Variants in GTF2F2 observed in about 807,000 individuals in gnomAD.
GTF2F2 encodes general transcription factor IIF subunit 2, also known as ATP-dependent helicase GTF2F2.
GTF2F2 carries 23 observed loss-of-function variants against 42.2 expected under a neutral mutation model. The observed-to-expected ratio is 0.55, with a 90% confidence interval of 0.39 to 0.77. The LOEUF is 0.77. GTF2F2 is among the 30% of genes least tolerant of loss of function. The pLI is 0.00. For synonymous variants in GTF2F2, 105 were observed against 100.8 expected, an observed-to-expected ratio of 1.04 and a Z score of -0.25; for missense variants, 261 against 287.2, an observed-to-expected ratio of 0.91 and a Z score of 0.66.
chr13:45,191,973 A>G (rs1220575145), intron 4 of GTF2F2, among the ~76,000 whole-genome samples: 1 of 152,122 alleles, frequency 6.6e-6, no homozygotes, highest in African/African-American at 2.4e-5. Flanking sequence ...TATTTTTATT[A>G]TCCGTAATGA....
intron 1 of GTF2F2, among the ~76,000 whole-genome samples, chr13:45,133,424 A>G (rs1166076872): frequency 1.3e-5 from 2 of 152,208 alleles, no homozygotes; most frequent in African/African-American, 2.4e-5. Context: ...TATCTATCTA[A>G]GAAGCCAGGA....
intron 5 of GTF2F2, among the ~76,000 whole-genome samples, chr13:45,209,125 G>A (rs1299652961): frequency 6.6e-6 from 1 of 152,192 alleles, no homozygotes; most frequent in Non-Finnish European, 1.5e-5. Context: ...AAAAAGAAGT[G>A]AAAATTGTTT....
At chr13:45,212,459 C>CTTTTCTTTTCTTTCTT (rs55758635) in intron 5 of GTF2F2, among the ~76,000 whole-genome samples, 1 of 79,290 alleles carries the variant, frequency 1.3e-5, no homozygotes, top group African/African-American at 4.6e-5. Flanking sequence ...TTCTTTCTTT[C>CTTTTCTTTTCTTTCTT]TTTCTTTCTT....
intron 1 of GTF2F2, among the ~76,000 whole-genome samples, chr13:45,134,093 T>C (rs1869496982): frequency 6.6e-6 from 1 of 152,226 alleles, no homozygotes; most frequent in Non-Finnish European, 1.5e-5. Context: ...GTTGTGGACA[T>C]TTGCTTCTTT....
rs142321690 is a variant in GTF2F2, at chr13:45,282,985, T to C, written c.631-457T>C. 4.2e-3 allele frequency among the ~76,000 whole-genome samples: 637 copies of C among 152,272 alleles called. 2 individuals carry two copies. Among genetic ancestry groups the C allele is most frequent in the African/African-American group, 0.015 (612 of 41,548 alleles). On this transcript the variant is annotated intron_variant, in intron 7 of 7. Transcript: ENST00000340473. Reference sequence around the variant, plus strand: ...GAATACCTGTCATATGCCTGCTTGATAGAATATTCTCAAAAATGTTGCTCA... The same window carrying C: ...GAATACCTGTCATATGCCTGCTTGACAGAATATTCTCAAAAATGTTGCTCA...
At chr13:45,257,238 A>C (rs1433383776) in intron 6 of GTF2F2, among the ~76,000 whole-genome samples, 2 of 152,192 alleles carry the variant, frequency 1.3e-5, no homozygotes, top group African/African-American at 4.8e-5. Flanking sequence ...GATTATTTTT[A>C]TCTCTTAGAA....
At chr13:45,123,815 GAGC>G in intron 1 of GTF2F2, among the ~76,000 whole-genome samples, 1 of 137,956 alleles carries the variant, frequency 7.2e-6, no homozygotes, top group African/African-American at 2.8e-5. Context: ...TTTTTTGGCT[GAGC>G]ACAGGGGACT....
intron 7 of GTF2F2, 35 bp from the exon 8 acceptor site, chr13:45,283,407 A>T (rs1273019071): frequency 1.3e-6 from 2 of 1,579,016 alleles, no homozygotes; most frequent in African/African-American, 2.7e-5. Flanking sequence ...CTGCATTTAT[A>T]ATCTCATTTG....
intron 7 of GTF2F2, among the ~76,000 whole-genome samples, chr13:45,268,944 C>T (rs559296011): frequency 1.1e-4 from 16 of 152,250 alleles, no homozygotes; most frequent in African/African-American, 3.9e-4. Context: ...CAGTGAATCT[C>T]TTACAACAGA....
intron 2 of GTF2F2, among the ~76,000 whole-genome samples, chr13:45,143,338 A>T (rs1328251489): frequency 6.6e-6 from 1 of 152,230 alleles, no homozygotes; most frequent in Non-Finnish European, 1.5e-5. Flanking sequence ...GCAGTGTGGC[A>T]TACTGGTTAT....
chr13:45,171,599 G>T (rs1413438053), intron 4 of GTF2F2, among the ~76,000 whole-genome samples: 1 of 152,086 alleles, frequency 6.6e-6, no homozygotes, highest in African/African-American at 2.4e-5. Context: ...ACATTATATT[G>T]CCTTTTAAAA....
intron 4 of GTF2F2, among the ~76,000 whole-genome samples, chr13:45,167,193 A>G (rs968765350): frequency 1.1e-4 from 16 of 151,660 alleles, no homozygotes; most frequent in African/African-American, 3.9e-4. Context: ...ATAAAGGGTA[A>G]AAAGCCCTAC....
At chr13:45,218,742 T>C (rs1873987501) in intron 5 of GTF2F2, among the ~76,000 whole-genome samples, 1 of 152,220 alleles carries the variant, frequency 6.6e-6, no homozygotes, top group Non-Finnish European at 1.5e-5. Context: ...ATTGAATTGA[T>C]GGGGTGCCGA....
At chr13:45,134,750 T>C (rs1869529299) in intron 1 of GTF2F2, among the ~76,000 whole-genome samples, 1 of 152,142 alleles carries the variant, frequency 6.6e-6, no homozygotes, top group Admixed American at 6.5e-5. Context: ...AGAGGTAGTA[T>C]GGTCTAGTGA....
intron 4 of GTF2F2, among the ~76,000 whole-genome samples, chr13:45,170,759 G>A (rs1257005181): frequency 6.6e-6 from 1 of 152,210 alleles, no homozygotes; most frequent in Non-Finnish European, 1.5e-5. Context: ...CATGAGATCA[G>A]AAGAATGGTC....
intron 4 of GTF2F2, among the ~76,000 whole-genome samples, chr13:45,191,939 T>C (rs1872675817): frequency 1.3e-5 from 2 of 152,140 alleles, no homozygotes; most frequent in South Asian, 4.1e-4. Context: ...CAGCTATATC[T>C]CCTGTAAAAA....
Position 45,221,415 on chromosome 13 carries a change from G to C in GTF2F2, c.386+13910G>C, listed in dbSNP as rs144781930. ...GCAAAATGAAAATATGGGGCCTTTT[G>C]TTCATACATTATTAAAAATTTCAAA... On this transcript the variant is annotated intron_variant, in intron 5 of 7. Transcript: ENST00000340473. Among the ~76,000 whole-genome samples the C allele has an allele frequency of 6.6e-3, 1,010 of 152,164 alleles. 2 individuals carry two copies. Among genetic ancestry groups the C allele is most frequent in the Non-Finnish European group, 0.01 (700 of 67,994 alleles).
chr13:45,257,264 G>A (rs1434028699), intron 6 of GTF2F2, among the ~76,000 whole-genome samples: 3 of 151,970 alleles, frequency 2.0e-5, no homozygotes, highest in Non-Finnish European at 2.9e-5. Flanking sequence ...CATTGAAATC[G>A]CACCCCTGAA....
At chr13:45,190,901 C>T (rs1872589064) in intron 4 of GTF2F2, among the ~76,000 whole-genome samples, 1 of 149,484 alleles carries the variant, frequency 6.7e-6, no homozygotes, top group Non-Finnish European at 1.5e-5. Context: ...CAAGTGTATG[C>T]CACCACGTGT....
Sources: gnomAD v4.1 joint callset for allele counts (sites outside exome capture counted in the v4.1 genomes callset) on GRCh38, gnomAD v4.1.1 for gene constraint, MANE v1.5 for transcripts, NCBI Gene and HGNC (gene_info 2026-07-23, HGNC 2026-07-21) for gene names.